The following FSTL5 variants were observed in gnomAD, a reference collection of about 807,000 sequenced individuals.
FSTL5 encodes follistatin-related protein 5.
A neutral mutation model predicts 89.1 loss-of-function variants in FSTL5; 62 were observed. The ratio of observed to expected loss-of-function variants is 0.70; its 90% CI spans 0.57 to 0.86. The LOEUF is 0.86. Ranked by LOEUF, FSTL5 falls within the 40% of genes least tolerant of loss-of-function variation. The probability of loss-of-function intolerance (pLI) is 0.00; values close to 1 mark genes in which losing one functional copy is unlikely to be tolerated. For missense variants in FSTL5, 1,057 were observed against 1,001.6 expected (o/e 1.06, Z -0.75); for synonymous variants, 383 against 346.2 (o/e 1.11, Z -1.18).
At chr4:161,427,784 AC>A (rs923796916) in intron 15 of FSTL5, among the ~76,000 whole-genome samples, 1 of 152,214 alleles carries the variant, frequency 6.6e-6, no homozygotes, top group African/African-American at 2.4e-5. Flanking sequence ...CACAGAAACA[AC>A]AAATTATTTT....
intron 8 of FSTL5, among the ~76,000 whole-genome samples, chr4:161,544,039 C>T (rs538257100): frequency 2.0e-5 from 3 of 151,632 alleles, no homozygotes; most frequent in Admixed American, 1.3e-4. Context: ...AGCTAAAAAG[C>T]CAACAATGCA....
intron 2 of FSTL5, among the ~76,000 whole-genome samples, chr4:162,094,113 G>T (rs1377692831): frequency 1.3e-5 from 2 of 152,148 alleles, no homozygotes; most frequent in African/African-American, 4.8e-5. Context: ...TAAAGGCTGG[G>T]CATGGTAACT....
chr4:161,427,868 C>T (rs1732218152), intron 15 of FSTL5, among the ~76,000 whole-genome samples: 1 of 152,110 alleles, frequency 6.6e-6, no homozygotes, highest in Admixed American at 6.6e-5. Context: ...CCTACAGGAA[C>T]ACCAAACTGA....
At chr4:161,827,914 C>G (rs572473344) in intron 4 of FSTL5, among the ~76,000 whole-genome samples, 1 of 152,142 alleles carries the variant, frequency 6.6e-6, no homozygotes, top group Admixed American at 6.5e-5. Context: ...CCCTGCCTGC[C>G]GCAGCTTCTG....
rs181530269 is a variant in FSTL5, at chr4:161,728,869, T to C, written c.727+30542A>G. Reference sequence around the variant, plus strand: ...ATTATTTTAGAAGTCTTCTTTCACATTGTGAGATGATGAAAGATGCCGCTA... The same window carrying C: ...ATTATTTTAGAAGTCTTCTTTCACACTGTGAGATGATGAAAGATGCCGCTA... On this transcript the variant is annotated intron_variant, in intron 6 of 15. Coordinates refer to ENST00000306100, the MANE Select transcript of FSTL5 (RefSeq NM_020116.5). Among the ~76,000 whole-genome samples, 296 of 152,294 alleles carry C rather than the reference T, an allele frequency of 1.9e-3. 2 individuals are homozygous for C. The highest frequency in any genetic ancestry group is 6.8e-3 in the Middle Eastern group (2 of 294).
At chr4:161,501,411 A>G (rs946145472) in intron 11 of FSTL5, among the ~76,000 whole-genome samples, 2 of 152,036 alleles carry the variant, frequency 1.3e-5, no homozygotes, top group Admixed American at 6.6e-5. Flanking sequence ...TTTTTCCCAT[A>G]TAACTATGTA....
intron 2 of FSTL5, among the ~76,000 whole-genome samples, chr4:162,100,931 C>A (rs117955462): frequency 6.6e-6 from 1 of 152,144 alleles, no homozygotes; most frequent in Non-Finnish European, 1.5e-5. Context: ...TACGAGAGCA[C>A]GATTTTGACA....
At chr4:161,784,061 A>C (rs1018232092) in intron 4 of FSTL5, among the ~76,000 whole-genome samples, 3 of 151,462 alleles carry the variant, frequency 2.0e-5, no homozygotes, top group Non-Finnish European at 4.4e-5. Context: ...TCAGCCTCTT[A>C]GGTAGCTGGG....
chr4:161,719,799 T>G (rs896653645), intron 6 of FSTL5, among the ~76,000 whole-genome samples: 33 of 152,322 alleles, frequency 2.2e-4, no homozygotes, highest in African/African-American at 7.9e-4. Flanking sequence ...AATTTTTGTA[T>G]GTTGATTTTG....
intron 5 of FSTL5, among the ~76,000 whole-genome samples, chr4:161,770,963 C>T (rs1055759615): frequency 6.6e-6 from 1 of 151,924 alleles, no homozygotes; most frequent in Non-Finnish European, 1.5e-5. Flanking sequence ...GGTAGATAAG[C>T]TCCTTAAATG....
chr4:161,561,124 G>A (rs1399880050), intron 8 of FSTL5, among the ~76,000 whole-genome samples: 1 of 151,800 alleles, frequency 6.6e-6, no homozygotes, highest in Non-Finnish European at 1.5e-5. Context: ...AAACTTATAA[G>A]ACCACTATCT....
intron 15 of FSTL5, among the ~76,000 whole-genome samples, chr4:161,416,964 T>C (rs1445576038): frequency 6.6e-6 from 1 of 152,164 alleles, no homozygotes; most frequent in African/African-American, 2.4e-5. Context: ...CCTATCTCTT[T>C]TCTATTAATC....
chr4:161,639,037 A>G (rs1341457617), intron 7 of FSTL5, among the ~76,000 whole-genome samples: 4 of 151,688 alleles, frequency 2.6e-5, no homozygotes, highest in Non-Finnish European at 5.9e-5. Context: ...CCCACAGCCA[A>G]TATCATACTG....
chr4:161,408,318 T>C (rs28584960), intron 15 of FSTL5, among the ~76,000 whole-genome samples: 16,222 of 152,192 alleles, frequency 0.11, 866 homozygotes, highest in Non-Finnish European at 0.12. Flanking sequence ...CCAAAAATCA[T>C]TTTACTAATT....
At chr4:161,749,549 G>C (rs2126780230) in intron 6 of FSTL5, among the ~76,000 whole-genome samples, 1 of 152,262 alleles carries the variant, frequency 6.6e-6, no homozygotes, top group African/African-American at 2.4e-5. Flanking sequence ...TGTAATCCCA[G>C]CACTTCGGGA....
chr4:162,148,444 A>G (rs6536638), intron 1 of FSTL5, among the ~76,000 whole-genome samples: 115,537 of 152,064 alleles, frequency 0.76, 44,282 homozygotes, highest in Non-Finnish European at 0.81. Context: ...TAATATATTT[A>G]TGATTCCAGT....
Position 162,152,102 on chromosome 4 carries a change from A to G in FSTL5, c.-17+11513T>C, listed in dbSNP as rs547268718. ...TATTTGTGCACAGACAGGGAAACAA[A>G]CAGAATGAAAGCCCTTCGACTTTCT... On this transcript the variant is annotated intron_variant, in intron 1 of 15. Transcript: ENST00000306100. Among the ~76,000 whole-genome samples, 12 of 152,338 alleles carry G rather than the reference A, an allele frequency of 7.9e-5. No homozygotes were observed. In the South Asian group the frequency reaches 1.7e-3, roughly 21 times the overall value.
At chr4:161,485,615 C>T (rs1343797251) in intron 12 of FSTL5, among the ~76,000 whole-genome samples, 2 of 151,700 alleles carry the variant, frequency 1.3e-5, no homozygotes, top group Non-Finnish European at 2.9e-5. Context: ...TACGTGAACA[C>T]GAAGAAAGTG....
In FSTL5 at chr4:161,498,218, C is replaced by T. The variant is rs1414599293; in HGVS notation, c.1458+1798G>A. Among the ~76,000 whole-genome samples the T allele has an allele frequency of 4.6e-5, 7 of 151,964 alleles. No homozygotes were observed. In the South Asian group the frequency reaches 6.2e-4, roughly 13 times the overall value. ...TTTTTCTTTAGTTGTTTTAGGAGGA[C>T]ATCTGAGTATTATAAAGCTTTAAAG... On this transcript the variant is annotated intron_variant, in intron 12 of 15. Coordinates refer to ENST00000306100, the MANE Select transcript of FSTL5 (RefSeq NM_020116.5).
Sources: allele counts gnomAD v4.1 joint callset (sites outside exome capture counted in the v4.1 genomes callset), GRCh38; gene constraint gnomAD v4.1.1; transcripts MANE v1.5; gene names NCBI Gene and HGNC (gene_info 2026-07-23, HGNC 2026-07-21).